The following GEN1 variants were observed in gnomAD, a reference collection of about 807,000 sequenced individuals.
The protein encoded by GEN1 is flap endonuclease GEN homolog 1.
In GEN1, 64 loss-of-function variants were observed where a neutral mutation model predicts 67.6. The ratio of observed to expected loss-of-function variants is 0.95; its 90% CI spans 0.77 to 1.17. The LOEUF (loss-of-function observed/expected upper bound fraction) is 1.17. GEN1 is among the 50% of genes most tolerant of loss of function. The probability of loss-of-function intolerance (pLI) is 0.00; values close to 1 mark genes in which losing one functional copy is unlikely to be tolerated. For missense variants in GEN1, 1,058 were observed against 1,048.3 expected (o/e 1.01, Z -0.13); for synonymous variants, 371 against 359.4 (o/e 1.03, Z -0.37).
chr2:17,753,420 G>A (rs184786467), upstream of GEN1, among the ~76,000 whole-genome samples: 7 of 78,068 alleles, frequency 9.0e-5, no homozygotes, highest in East Asian at 1.6e-3. Flanking sequence ...TGCCGCCTCG[G>A]AGAGCGCGCG....
At chr2:17,754,857 C>T (rs1671335975) in intron 1 of GEN1, 1 of 152,238 alleles carries the variant, frequency 6.6e-6, no homozygotes, top group Non-Finnish European at 1.5e-5. Flanking sequence ...GTAATGAAGT[C>T]TTAACTTCCT....
Position 17,781,375 on chromosome 2 carries a change from G to C in GEN1, c.2163G>C (p.Lys721Asn). 6.2e-7 allele frequency: 1 copy of C among 1,613,822 alleles called. No homozygotes were observed. The highest frequency in any genetic ancestry group is 1.1e-5 in the South Asian group (1 of 91,068). Residue 721 changes from lysine (K) to asparagine (N), a missense_variant, in exon 14 of 14, where the codon AAG becomes AAC. Physicochemically the swap from Lys to Asn is moderately conservative, Grantham distance 94. Transcript: ENST00000381254. ...CTGATTGTACATCACATCTTTCAAA[G>C]GATCTTCCAGGAATTCCCTTGCAAA... ...SGSDCTSHLSKDLPGIPLQNE... is the reference protein window; with the variant it reads ...SGSDCTSHLSNDLPGIPLQNE...
chr2:17,757,433 C>T (rs1250025101), intron 1 of GEN1, among the ~76,000 whole-genome samples: 1 of 151,896 alleles, frequency 6.6e-6, no homozygotes, highest in Non-Finnish European at 1.5e-5. Context: ...GTTAACATCA[C>T]AGTCCTATAT....
rs1165537957 is a variant in GEN1, at chr2:17,786,911, G to C, written c.*4972G>C. On this transcript the variant is annotated 3_prime_UTR_variant, in exon 14 of 14. Coordinates refer to ENST00000381254, the MANE Select transcript of GEN1 (RefSeq NM_001130009.3). ...ACCCATGGAGCCTGTACCAGCAGTG[G>C]CTGCACTTAACCTTGCGGAATCTGG... 1.3e-5 allele frequency: 2 copies of C among 152,130 alleles called. No individual in the cohort carries two copies. Among genetic ancestry groups the C allele is most frequent in the Non-Finnish European group, 2.9e-5 (2 of 68,080 alleles). 9.4% of individuals were successfully genotyped at this position (152,130 alleles called of 1,614,324 possible).
At chr2:17,775,532 A>G (rs1236168676) in intron 11 of GEN1, among the ~76,000 whole-genome samples, 4 of 152,220 alleles carry the variant, frequency 2.6e-5, no homozygotes, top group South Asian at 4.1e-4. Flanking sequence ...TACCCAAGGC[A>G]TATTGTAGAC....
In GEN1 at chr2:17,782,018, A is replaced by G. The variant is rs1672866054; in HGVS notation, c.*79A>G. 4.0e-6 allele frequency: 3 copies of G among 756,478 alleles called. No individual in the cohort carries two copies. The highest frequency in any genetic ancestry group is 6.3e-6 in the Non-Finnish European group (3 of 472,638). 46.9% of individuals were successfully genotyped at this position (756,478 alleles called of 1,614,324 possible). Reference sequence around the variant, plus strand: ...GAGACAGAGGGAAGGTATCTAGTTCATGTGTGGTAAAAATTTTAATGTTCT... The same window carrying G: ...GAGACAGAGGGAAGGTATCTAGTTCGTGTGTGGTAAAAATTTTAATGTTCT... On this transcript the variant is annotated 3_prime_UTR_variant, in exon 14 of 14. Transcript: ENST00000381254.
chr2:17,781,593 G>C lies in GEN1; in HGVS notation c.2381G>C (p.Ser794Thr), dbSNP rs201939375. ...QTTRKILMKK[S>T]VCLDRHSSDE... ...ACTCGGAAAATTTTAATGAAGAAGA[G>C]TGTTTGCCTTGACAGACATTCCTCT... Residue 794 changes from serine to threonine, a missense_variant, in exon 14 of 14, where the codon AGT (serine) becomes ACT (threonine). Physicochemically the swap from Ser to Thr is moderately conservative, Grantham distance 58 (BLOSUM62 1). Coordinates refer to ENST00000381254, the MANE Select transcript of GEN1 (RefSeq NM_001130009.3). 47 of 1,613,980 alleles carry C rather than the reference G, an allele frequency of 2.9e-5. No homozygotes were observed. In the African/African-American group the frequency reaches 5.9e-4, roughly 20 times the overall value.
chr2:17,778,138 G>GTGTA (rs143973077), intron 12 of GEN1, 75 bp downstream of exon 12: 7 of 541,318 alleles, frequency 1.3e-5, no homozygotes, highest in African/African-American at 2.4e-5. Context: ...TTGTATATGT[G>GTGTA]TATATATATA....
At chr2:17,764,257 A>G (rs1671820135) in intron 3 of GEN1, among the ~76,000 whole-genome samples, 3 of 152,230 alleles carry the variant, frequency 2.0e-5, no homozygotes, top group African/African-American at 7.2e-5. Flanking sequence ...AAGATGAGAA[A>G]AAAATGCAAA....
chr2:17,775,754 A>C (rs1558406638), intron 11 of GEN1, among the ~76,000 whole-genome samples: 1 of 152,240 alleles, frequency 6.6e-6, no homozygotes, highest in Non-Finnish European at 1.5e-5. Context: ...TTAATTACCA[A>C]TAAAAGAACA....
chr2:17,773,344 G>A (rs987721286), intron 10 of GEN1, 45 bp downstream of exon 10: 23 of 1,139,890 alleles, frequency 2.0e-5, no homozygotes, highest in Non-Finnish European at 2.8e-5. Context: ...GTTATATGCT[G>A]GAAAGATAGG....
chr2:17,770,757 T>C (rs1249542708), intron 6 of GEN1, among the ~76,000 whole-genome samples: 3 of 152,002 alleles, frequency 2.0e-5, no homozygotes, highest in Non-Finnish European at 4.4e-5. Flanking sequence ...ATGTTTTATT[T>C]AATTTTATAT....
Position 17,781,606 on chromosome 2 carries a change from CAG to C in GEN1, c.2396_2397del (p.Arg799ThrfsTer4), listed in dbSNP as rs1307737609. 6.2e-7 allele frequency: 1 copy of C among 1,613,860 alleles called. No individual in the cohort carries two copies. Among genetic ancestry groups the C allele is most frequent in the African/African-American group, 1.3e-5 (1 of 74,922 alleles). ...TAATGAAGAAGAGTGTTTGCCTTGA[CAG>C]ACATTCCTCTGATGAACAAAGTGCC... ...ILMKKSVCLD[R>X]HSSDEQSAPV... On this transcript the variant is annotated frameshift_variant, in exon 14 of 14. Coordinates refer to ENST00000381254, the MANE Select transcript of GEN1 (RefSeq NM_001130009.3). LOFTEE classifies it low-confidence loss of function (END_TRUNC).
chr2:17,773,287 G>A lies in GEN1; in HGVS notation c.1059G>A (p.Leu353=). The A allele has an allele frequency of 6.3e-7, 1 of 1,583,638 alleles. No individual in the cohort carries two copies. Among genetic ancestry groups the A allele is most frequent in the Non-Finnish European group, 8.6e-7 (1 of 1,158,022 alleles). Residue 353 remains leucine, a synonymous_variant, in exon 10 of 14, where the codon TTG becomes TTA. Transcript: ENST00000381254. ...TTATCAGGTACCAAAGACCTGATTTGTTATTGTTTCAGGTATCTGAAAATA... is the reference window on the plus strand; with the variant it reads ...TTATCAGGTACCAAAGACCTGATTTATTATTGTTTCAGGTATCTGAAAATA... ...VKVIRYQRPD[L]LLFQRFTLEK... is the part of the protein sequence containing the mutation.
chr2:17,781,641 T>C lies in GEN1; in HGVS notation c.2429T>C (p.Phe810Ser). 1 of 1,614,020 alleles carries C rather than the reference T, an allele frequency of 6.2e-7. No homozygotes were observed. The change falls in exon 14 of 14, where the codon TTT becomes TCT. Residue 810 changes from phenylalanine (F) to serine (S), a missense_variant. Physicochemically the swap from Phe to Ser is radical, Grantham distance 155. Transcript: ENST00000381254. ...HSSDEQSAPV[F>S]GKAKYTTQRM... The stretch of plus-strand genomic sequence containing the variant: ...TCTGATGAACAAAGTGCCCCAGTGT[T>C]TGGGAAAGCTAAGTACACAACTCAA...
At chr2:17,770,446 A>G (rs1161333639) in intron 6 of GEN1, among the ~76,000 whole-genome samples, 2 of 152,166 alleles carry the variant, frequency 1.3e-5, no homozygotes, top group Non-Finnish European at 2.9e-5. Flanking sequence ...ATACTGCACA[A>G]TGACCTGAAG....
chr2:17,777,248 G>A (rs1672474758), intron 11 of GEN1, among the ~76,000 whole-genome samples: 4 of 152,078 alleles, frequency 2.6e-5, no homozygotes, highest in Admixed American at 6.6e-5. Flanking sequence ...TGATTAAAAC[G>A]TATTTGGATA....
chr2:17,756,092 T>G lies in GEN1; in HGVS notation c.-16+1747T>G, dbSNP rs1174989394. Among the ~76,000 whole-genome samples, 3 of 152,222 alleles carry G rather than the reference T, an allele frequency of 2.0e-5. No individual in the cohort carries two copies. The East Asian group carries it at 5.8e-4, about 29-fold the overall frequency. ...GCAATTCAAATATTAAATACTAGATTACAGATATTAGAATCTTGTAATGCA... is the reference window on the plus strand; with the variant it reads ...GCAATTCAAATATTAAATACTAGATGACAGATATTAGAATCTTGTAATGCA... On this transcript the variant is annotated intron_variant, in intron 1 of 13. Transcript: ENST00000381254.
At chr2:17,758,991 A>G (rs1444584721) in intron 1 of GEN1, among the ~76,000 whole-genome samples, 2 of 152,258 alleles carry the variant, frequency 1.3e-5, no homozygotes, top group Non-Finnish European at 2.9e-5. Context: ...AATTTGAGAA[A>G]ATTTACCTTT....
Sources: allele counts gnomAD v4.1 joint callset (sites outside exome capture counted in the v4.1 genomes callset), GRCh38; gene constraint gnomAD v4.1.1; transcripts MANE v1.5; gene names NCBI Gene and HGNC (gene_info 2026-07-23, HGNC 2026-07-21).